The following FUBP3 variants were observed in gnomAD, a reference collection of about 807,000 sequenced individuals.
FUBP3 encodes far upstream element binding protein 3.
FUBP3 carries 28 observed loss-of-function variants against 85.6 expected under a neutral mutation model. That is an observed-to-expected ratio of 0.33 (90% CI 0.24 to 0.45). The LOEUF is 0.45. FUBP3 is among the 20% of genes least tolerant of loss of function. The pLI is 1.00. For missense variants in FUBP3, 583 were observed against 755.1 expected (o/e 0.77, Z 2.67); for synonymous variants, 271 against 271.4 (o/e 1.00, Z 0.01).
intron 1 of FUBP3, among the ~76,000 whole-genome samples, chr9:130,591,176 G>T (rs1366411383): frequency 6.6e-6 from 1 of 152,152 alleles, no homozygotes; most frequent in Non-Finnish European, 1.5e-5. Flanking sequence ...CGGGCACGGT[G>T]GCTCACGCCT....
chr9:130,636,689 GATGCC>G (rs1392588958), intron 18 of FUBP3, among the ~76,000 whole-genome samples: 1 of 152,234 alleles, frequency 6.6e-6, no homozygotes, highest in Non-Finnish European at 1.5e-5. Flanking sequence ...TTTCCCACCT[GATGCC>G]AGTCAGGTCC....
intron 18 of FUBP3, 52 bp from the exon 19 acceptor site, chr9:130,636,962 A>G: frequency 6.4e-7 from 1 of 1,571,060 alleles, no homozygotes; most frequent in Non-Finnish European, 8.8e-7. Context: ...ACTGGCACAC[A>G]GACCTGAGAA....
chr9:130,617,987 A>C (rs1832093141), intron 8 of FUBP3, 92 bp downstream of exon 8: 1 of 622,914 alleles, frequency 1.6e-6, no homozygotes, highest in Non-Finnish European at 2.9e-6. Flanking sequence ...AGTAATTGTG[A>C]AACTGGCAGC....
In FUBP3 at chr9:130,616,608, C is replaced by T. The variant is rs1832021647; in HGVS notation, c.567+91C>T. On this transcript the variant is annotated intron_variant, in intron 7 of 18. Transcript: ENST00000319725. The surrounding 1 kb of genome is among the most constrained non-coding windows in gnomAD (Gnocchi z 4.7). ...GAGATCTGCTTACGGCTGGCATTCCCTGGCTGGGCTGGCTTTGTGCAGCAT... is the reference window on the plus strand; with the variant it reads ...GAGATCTGCTTACGGCTGGCATTCCTTGGCTGGGCTGGCTTTGTGCAGCAT... The T allele has an allele frequency of 2.5e-6, 3 of 1,211,346 alleles. No individual in the cohort carries two copies. Among genetic ancestry groups the T allele is most frequent in the African/African-American group, 1.5e-5 (1 of 67,428 alleles). The allele number at this position is 1,211,346 out of a possible 1,614,324, so 75.0% of individuals were successfully genotyped here. A position where few individuals can be genotyped will look rare whatever the true frequency, so the allele number is the denominator to read the frequency against.
At chr9:130,589,706 T>TATATATATA (rs71499252) in intron 1 of FUBP3, among the ~76,000 whole-genome samples, 87 of 39,798 alleles carry the variant, frequency 2.2e-3, no homozygotes, top group Admixed American at 4.6e-3. Context: ...TATATATATA[T>TATATATATA]TTTTTTTTTT....
intron 2 of FUBP3, among the ~76,000 whole-genome samples, chr9:130,603,437 C>T (rs1427625386): frequency 6.6e-6 from 1 of 151,750 alleles, no homozygotes; most frequent in Admixed American, 6.6e-5. Flanking sequence ...CTGTGCCCTA[C>T]CCCCCTACCT....
rs772464787 is a variant in FUBP3, at chr9:130,623,684, C to T, written c.948C>T (p.Ile316=). The T allele has an allele frequency of 4.3e-6, 7 of 1,613,336 alleles. No homozygotes were observed. In the South Asian group the frequency reaches 4.4e-5, roughly 10 times the overall value. Residue 316 remains isoleucine (I), a synonymous_variant, in exon 11 of 19, where the codon ATC becomes ATT. Coordinates refer to ENST00000319725, the MANE Select transcript of FUBP3 (RefSeq NM_003934.2). ...ATCGGTGTCAGCATGCAGCGCATAT[C>T]ATCAGCGAGCTGATTCTTACAGCCC... The part of the protein sequence containing the change: ...PPDRCQHAAH[I]ISELILTAQE...
At chr9:130,614,489 C>G in intron 6 of FUBP3, 144 bp downstream of exon 6, 1 of 568,080 alleles carries the variant, frequency 1.8e-6, no homozygotes, top group Non-Finnish European at 3.2e-6. Flanking sequence ...GGAAAAAAAT[C>G]TGGGAGGTTA....
Position 130,612,078 on chromosome 9 carries a change from C to T in FUBP3, c.225-378C>T, listed in dbSNP as rs1024868118. On this transcript the variant is annotated intron_variant, in intron 3 of 18. Coordinates refer to ENST00000319725, the MANE Select transcript of FUBP3 (RefSeq NM_003934.2). The surrounding 1 kb of genome is among the most constrained non-coding windows in gnomAD (Gnocchi z 4.1). ...ATAGAAGTCTAAACATCTCCCAAAA[C>T]CCTGGAGGACCTTTCAGTGACCTGG... Among the ~76,000 whole-genome samples, 1 of 152,184 alleles carries T rather than the reference C, an allele frequency of 6.6e-6. No individual in the cohort carries two copies. The highest frequency in any genetic ancestry group is 1.5e-5 in the Non-Finnish European group (1 of 68,046).
chr9:130,619,889 T>TA (rs1407640382), intron 8 of FUBP3, among the ~76,000 whole-genome samples: 1 of 152,366 alleles, frequency 6.6e-6, no homozygotes, highest in East Asian at 1.9e-4. Context: ...CTTTTTAACT[T>TA]ACTGGAGTGC....
Position 130,637,023 on chromosome 9 carries a change from G to A in FUBP3, c.*1G>A. On this transcript the variant is annotated 3_prime_UTR_variant, in exon 19 of 19. Coordinates refer to ENST00000319725, the MANE Select transcript of FUBP3 (RefSeq NM_003934.2). Reference sequence around the variant, plus strand: ...TCCCTTCCGCCCACAGGAGCAGTAGGACAGCGTCCTCGTGGCCAACTCTCC... The same window carrying A: ...TCCCTTCCGCCCACAGGAGCAGTAGAACAGCGTCCTCGTGGCCAACTCTCC... The A allele has an allele frequency of 6.2e-7, 1 of 1,612,500 alleles. No homozygotes were observed. Among genetic ancestry groups the A allele is most frequent in the South Asian group, 1.1e-5 (1 of 91,056 alleles).
intron 1 of FUBP3, among the ~76,000 whole-genome samples, chr9:130,593,340 A>G (rs147299877): frequency 0.013 from 1,916 of 152,262 alleles, 15 homozygotes; most frequent in Non-Finnish European, 0.019. Flanking sequence ...CTCCTTCACC[A>G]CAAAAGCTCC....
intron 12 of FUBP3, among the ~76,000 whole-genome samples, chr9:130,629,980 A>G (rs762635753): frequency 1.3e-5 from 2 of 152,152 alleles, no homozygotes; most frequent in Non-Finnish European, 2.9e-5. Context: ...TTTGAAAGAG[A>G]CCAACTGAAT....
intron 12 of FUBP3, 84 bp downstream of exon 12, chr9:130,626,589 T>A: frequency 7.2e-7 from 1 of 1,396,690 alleles, no homozygotes; most frequent in Non-Finnish European, 1.0e-6. Flanking sequence ...GAACCTTTGG[T>A]GAGGTCCCTT....
intron 16 of FUBP3, among the ~76,000 whole-genome samples, chr9:130,632,667 C>T (rs1293276965): frequency 6.6e-6 from 1 of 152,236 alleles, no homozygotes; most frequent in Non-Finnish European, 1.5e-5. Context: ...CAACTCCCTG[C>T]CCCTGCCTTG....
rs764569720 is a variant in FUBP3, at chr9:130,629,300, G to A, written c.1118-1328G>A. Among the ~76,000 whole-genome samples the A allele has an allele frequency of 4.6e-5, 7 of 152,176 alleles. No individual in the cohort carries two copies. In the South Asian group the frequency reaches 6.2e-4, roughly 14 times the overall value. On this transcript the variant is annotated intron_variant, in intron 12 of 18. Coordinates refer to ENST00000319725, the MANE Select transcript of FUBP3 (RefSeq NM_003934.2). Reference sequence around the variant, plus strand: ...AGGGATGCTTCTCTGAAACTCCAGCGGGACCTTAAGGAAATCACAAGCACA... The same window carrying A: ...AGGGATGCTTCTCTGAAACTCCAGCAGGACCTTAAGGAAATCACAAGCACA...
intron 1 of FUBP3, among the ~76,000 whole-genome samples, chr9:130,589,701 A>ATTTTTT (rs1416100381): frequency 1.1e-3 from 31 of 27,988 alleles, no homozygotes; most frequent in African/African-American, 5.8e-3. Context: ...ATATATATAT[A>ATTTTTT]TATATTTTTT....
At chr9:130,628,379 G>A (rs1830077611) in intron 12 of FUBP3, among the ~76,000 whole-genome samples, 1 of 152,252 alleles carries the variant, frequency 6.6e-6, no homozygotes, top group South Asian at 2.1e-4. Context: ...TTCACGTCCA[G>A]CCAGGGGGCC....
At chr9:130,599,967 C>T (rs77600217) in intron 2 of FUBP3, among the ~76,000 whole-genome samples, 2,152 of 152,264 alleles carry the variant, frequency 0.014, 49 homozygotes, top group African/African-American at 0.048. Context: ...TCACCCAGCT[C>T]TTAACCTGCC....
Sources: allele counts gnomAD v4.1 joint callset (sites outside exome capture counted in the v4.1 genomes callset), GRCh38; gene constraint gnomAD v4.1.1; non-coding constraint Gnocchi (gnomAD v3.1); transcripts MANE v1.5; gene names NCBI Gene and HGNC (gene_info 2026-07-23, HGNC 2026-07-21).